Variants in STARD13 observed in about 807,000 individuals in gnomAD.
The protein encoded by STARD13 is StAR related lipid transfer domain containing 13.
A neutral mutation model predicts 106.4 loss-of-function variants in STARD13; 62 were observed. That is an observed-to-expected ratio of 0.58 (90% CI 0.48 to 0.72). The LOEUF is 0.72. Ranked by LOEUF, STARD13 falls within the 30% of genes least tolerant of loss-of-function variation. The pLI is 0.00. For synonymous variants in STARD13, 565 were observed against 553.0 expected, an observed-to-expected ratio of 1.02 and a Z score of -0.31; for missense variants, 1,387 against 1,424.0, an observed-to-expected ratio of 0.97 and a Z score of 0.42.
At chr13:33,165,532 A>G (rs1883219332) in intron 2 of STARD13, 114 bp from the exon 3 acceptor site, 1 of 762,250 alleles carries the variant, frequency 1.3e-6, no homozygotes, top group Non-Finnish European at 2.2e-6. Flanking sequence ...GTGACTGCCC[A>G]TCATCATTGT....
chr13:33,610,014 A>G, the STARD13 span, among the ~76,000 whole-genome samples: 2 of 152,176 alleles, frequency 1.3e-5, no homozygotes, highest in Non-Finnish European at 2.9e-5. Flanking sequence ...TTAAAAAATA[A>G]TTGTTTTTAT....
chr13:33,341,333 T>A (rs2077956928), intron 1 of STARD13, among the ~76,000 whole-genome samples: 1 of 152,140 alleles, frequency 6.6e-6, no homozygotes, highest in Non-Finnish European at 1.5e-5. Context: ...TATTCTGCGG[T>A]CCTCTCAAGA....
chr13:33,400,736 T>C, the STARD13 span, among the ~76,000 whole-genome samples: 1 of 152,184 alleles, frequency 6.6e-6, no homozygotes, highest in Non-Finnish European at 1.5e-5. Context: ...GTGCTGGGAT[T>C]ACAGGCGTGA....
At position 33,129,776 on chromosome 13, in the gene STARD13, T is replaced by G; in HGVS notation, c.901A>C (p.Met301Leu). 1 of 1,614,060 alleles carries G rather than the reference T, an allele frequency of 6.2e-7. No homozygotes were observed. Among genetic ancestry groups the G allele is most frequent in the Non-Finnish European group, 8.5e-7 (1 of 1,180,034 alleles). The change falls in exon 5 of 14, where the codon ATG becomes CTG. Residue 301 changes from methionine to leucine, a missense_variant. Physicochemically the swap from Met to Leu is conservative, Grantham distance 15. Transcript: ENST00000336934. Reference sequence around the variant, plus strand: ...CCATTTGGTATTTGGATGCACTGCATAGCCTTAAAGGACTCTGGCTCCTGC... The same window carrying G: ...CCATTTGGTATTTGGATGCACTGCAGAGCCTTAAAGGACTCTGGCTCCTGC... ...LQQEPESFKA[M>L]QCIQIPNGDL...
the STARD13 span, among the ~76,000 whole-genome samples, chr13:33,399,956 T>C: frequency 6.6e-6 from 1 of 152,256 alleles, no homozygotes. Flanking sequence ...CATATAAAAA[T>C]TGAATACATT....
chr13:33,160,760 T>G (rs192699648), intron 3 of STARD13, among the ~76,000 whole-genome samples: 1 of 152,124 alleles, frequency 6.6e-6, no homozygotes, highest in Admixed American at 6.5e-5. Flanking sequence ...AAACAAAAAC[T>G]GACAATACTA....
intron 1 of STARD13, among the ~76,000 whole-genome samples, chr13:33,255,343 A>G (rs990238622): frequency 3.3e-5 from 5 of 152,078 alleles, no homozygotes; most frequent in Admixed American, 6.5e-5. Flanking sequence ...TAGGATGCTG[A>G]GAGGGACTTT....
chr13:33,348,581 T>C (rs1197436828), downstream of STARD13: 3 of 153,314 alleles, frequency 2.0e-5, no homozygotes, highest in Non-Finnish European at 4.4e-5. Context: ...TAACAGAAGC[T>C]ATGAAAGAAA....
At chr13:33,249,512 C>A (rs1889990825) in intron 1 of STARD13, among the ~76,000 whole-genome samples, 1 of 152,160 alleles carries the variant, frequency 6.6e-6, no homozygotes, top group East Asian at 1.9e-4. Flanking sequence ...CCTTAGCCAC[C>A]TACAATGTGC....
chr13:33,440,740 C>A, the STARD13 span, among the ~76,000 whole-genome samples: 1 of 135,840 alleles, frequency 7.4e-6, no homozygotes. Context: ...ACTTAGGTCT[C>A]TTTCCTTGAG....
In STARD13 at chr13:33,106,883, G is replaced by A. The variant is rs267603805; in HGVS notation, c.3099C>T (p.Ser1033=). The A allele has an allele frequency of 1.8e-5, 29 of 1,614,028 alleles. No individual in the cohort carries two copies. Among genetic ancestry groups the A allele is most frequent in the Middle Eastern group, 1.6e-4 (1 of 6,084 alleles). ...GGAGCTGGGCTTCCTCATGCTCCAC[G>A]GAGAGGGACACCAGGGTACACATTC... ...PKGMCTLVSL[S]VEHEEAQLLG... is the part of the protein sequence containing the mutation. The change falls in exon 13 of 14, where the codon TCC becomes TCT. Residue 1033 remains serine (S), a synonymous_variant. Coordinates refer to ENST00000336934, the MANE Select transcript of STARD13 (RefSeq NM_178006.4).
At chr13:33,474,174 C>T in the STARD13 span, among the ~76,000 whole-genome samples, 20 of 152,250 alleles carry the variant, frequency 1.3e-4, no homozygotes, top group East Asian at 9.6e-4. Flanking sequence ...TGGAGTTCCA[C>T]GTATCCAGGC....
At chr13:33,256,963 A>G (rs956378648) in intron 1 of STARD13, among the ~76,000 whole-genome samples, 8 of 152,244 alleles carry the variant, frequency 5.3e-5, no homozygotes, top group African/African-American at 1.9e-4. Flanking sequence ...CTCACTATAT[A>G]CAGATACAAA....
At chr13:33,609,841 T>A in the STARD13 span, among the ~76,000 whole-genome samples, 1 of 152,194 alleles carries the variant, frequency 6.6e-6, no homozygotes, top group Admixed American at 6.5e-5. Flanking sequence ...GTGCTGGGAT[T>A]ACAGGCGTGA....
intron 1 of STARD13, chr13:33,350,168 G>A: frequency 1.6e-6 from 2 of 1,271,410 alleles, no homozygotes; most frequent in Non-Finnish European, 2.0e-6. Flanking sequence ...CGCTCGCCCC[G>A]GCCTTGGGCT....
At chr13:33,523,709 GCAA>G in the STARD13 span, among the ~76,000 whole-genome samples, 1 of 152,116 alleles carries the variant, frequency 6.6e-6, no homozygotes, top group South Asian at 2.1e-4. Flanking sequence ...ACCCCAAAAT[GCAA>G]CAACAACAAC....
Position 33,340,396 on chromosome 13 carries a change from C to CTT in STARD13, c.124+9893_124+9894insAA, listed in dbSNP as rs555167650. Among the ~76,000 whole-genome samples, 308 of 152,242 alleles carry CTT rather than the reference C, an allele frequency of 2.0e-3. 1 individual carries two copies. Among genetic ancestry groups the CTT allele is most frequent in the African/African-American group, 7.3e-3 (302 of 41,526 alleles). On this transcript the variant is annotated intron_variant, in intron 1 of 5. Transcript: ENST00000567873. ...TAATTTTCTTTATCTTTTGTAGAGA[C>CTT]TGTGTCTCCCTGTTTCCCAGTGTGG...
At chr13:33,610,849 C>T in the STARD13 span, 1 of 152,486 alleles carries the variant, frequency 6.6e-6, no homozygotes, top group Non-Finnish European at 1.5e-5. Context: ...GTCGCCTGCT[C>T]ACGTCCCCTA....
chr13:33,397,468 A>G, the STARD13 span, among the ~76,000 whole-genome samples: 1,653 of 152,290 alleles, frequency 0.011, 35 homozygotes, highest in African/African-American at 0.038. Flanking sequence ...TGCCATGAGT[A>G]ATAAAGTCCT....
Sources: gnomAD v4.1 joint callset for allele counts (sites outside exome capture counted in the v4.1 genomes callset) on GRCh38, gnomAD v4.1.1 for gene constraint, MANE v1.5 for transcripts, NCBI Gene and HGNC (gene_info 2026-07-23, HGNC 2026-07-21) for gene names.